The following COL24A1 variants were observed in gnomAD, a reference collection of about 807,000 sequenced individuals.
COL24A1 encodes the protein collagen alpha-1(XXIV) chain.
Under a neutral mutation model 253.9 loss-of-function variants are expected in COL24A1, and 224 were observed. The ratio of observed to expected loss-of-function variants is 0.88; its 90% CI spans 0.79 to 0.99. The LOEUF is 0.99. Among genes scored for constraint, COL24A1 ranks in the 50% least tolerant of loss-of-function variants. COL24A1 has a pLI of 0.00. For missense variants in COL24A1, 2,131 were observed against 2,068.5 expected (o/e 1.03, Z -0.59); for synonymous variants, 685 against 673.7 (o/e 1.02, Z -0.26).
chr1:85,903,921 G>A (rs904598725), intron 28 of COL24A1, among the ~76,000 whole-genome samples: 2 of 152,062 alleles, frequency 1.3e-5, no homozygotes, highest in Non-Finnish European at 2.9e-5. Flanking sequence ...TTCTATTCTT[G>A]TTATAAACTA....
chr1:85,875,202 G>A, intron 34 of COL24A1, 75 bp downstream of exon 34: 1 of 1,266,992 alleles, frequency 7.9e-7, no homozygotes. Context: ...CAAATATAGG[G>A]GATTCAATGG....
chr1:85,926,475 A>G (rs1460417304), intron 24 of COL24A1, among the ~76,000 whole-genome samples: 1 of 152,242 alleles, frequency 6.6e-6, no homozygotes, highest in African/African-American at 2.4e-5. Context: ...ACACCATGGA[A>G]TACTATGCAG....
At chr1:86,098,042 T>C (rs1009196358) in intron 5 of COL24A1, among the ~76,000 whole-genome samples, 1 of 152,110 alleles carries the variant, frequency 6.6e-6, no homozygotes, top group Admixed American at 6.6e-5. Context: ...CAACATTATG[T>C]GAGTATACAG....
chr1:85,990,495 T>C (rs951612703), intron 19 of COL24A1, among the ~76,000 whole-genome samples: 17 of 152,310 alleles, frequency 1.1e-4, no homozygotes, highest in Middle Eastern at 3.4e-3. Flanking sequence ...GCCGCTGATC[T>C]GACAGGAGGT....
chr1:85,868,421 A>G, intron 37 of COL24A1, 98 bp downstream of exon 37: 1 of 742,990 alleles, frequency 1.3e-6, no homozygotes, highest in Non-Finnish European at 2.3e-6. Context: ...TATCCACTGG[A>G]TATATAAGGA....
chr1:85,762,042 T>C (rs911395126), intron 53 of COL24A1, among the ~76,000 whole-genome samples: 2 of 152,206 alleles, frequency 1.3e-5, no homozygotes. Context: ...GAATGAATGA[T>C]GTTAAAATTA....
intron 58 of COL24A1, chr1:85,736,311 A>T (rs1664047103): frequency 2.2e-6 from 1 of 456,106 alleles, no homozygotes; most frequent in Non-Finnish European, 4.4e-6. Context: ...AAGAAATTAG[A>T]GAAGTGATTT....
chr1:86,038,686 C>T (rs1477743402), intron 12 of COL24A1, among the ~76,000 whole-genome samples: 1 of 152,100 alleles, frequency 6.6e-6, no homozygotes, highest in South Asian at 2.1e-4. Flanking sequence ...ACAGCTATCA[C>T]CTTGCTGTAG....
At chr1:85,837,022 G>C (rs1356710570) in intron 43 of COL24A1, among the ~76,000 whole-genome samples, 2 of 152,182 alleles carry the variant, frequency 1.3e-5, no homozygotes, top group African/African-American at 4.8e-5. Context: ...ATGAGATATT[G>C]CAGGAATCTG....
intron 14 of COL24A1, 116 bp downstream of exon 14, chr1:86,031,760 GAT>G: frequency 1.4e-6 from 1 of 702,216 alleles, no homozygotes; most frequent in Non-Finnish European, 2.3e-6. Flanking sequence ...AATCAAGGTT[GAT>G]AACCAACAAT....
intron 16 of COL24A1, 65 bp from the exon 17 acceptor site, chr1:86,022,656 C>G (rs1243453368): frequency 4.0e-6 from 6 of 1,488,202 alleles, no homozygotes; most frequent in South Asian, 1.2e-5. Flanking sequence ...TATAAGAAAG[C>G]AAATATTCAT....
intron 10 of COL24A1, among the ~76,000 whole-genome samples, chr1:86,054,079 T>C (rs1258465232): frequency 6.6e-6 from 1 of 152,076 alleles, no homozygotes; most frequent in Non-Finnish European, 1.5e-5. Context: ...CTGGAAAACT[T>C]GCTAACCATA....
intron 6 of COL24A1, among the ~76,000 whole-genome samples, chr1:86,091,900 A>C (rs1381696277): frequency 6.6e-6 from 1 of 152,094 alleles, no homozygotes; most frequent in Non-Finnish European, 1.5e-5. Flanking sequence ...ACTATTCTAA[A>C]AATATGTAAA....
Position 85,730,476 on chromosome 1 carries a change from G to A in COL24A1, c.*70C>T. 6.6e-7 allele frequency: 1 copy of A among 1,508,652 alleles called. No individual in the cohort carries two copies. The highest frequency in any genetic ancestry group is 9.1e-7 in the Non-Finnish European group (1 of 1,094,186). 93.5% of individuals were successfully genotyped at this position (1,508,652 alleles called of 1,614,324 possible). A position where few individuals can be genotyped will look rare whatever the true frequency, so the allele number is the denominator to read the frequency against. The stretch of plus-strand genomic sequence containing the variant: ...CATGCATTTCATAATGACTGTATCT[G>A]TCTGTCTTATTTCTCCCTCTGCAGC... On this transcript the variant is annotated 3_prime_UTR_variant, in exon 60 of 60. Transcript: ENST00000370571.
At chr1:85,952,089 A>T (rs1689991532) in intron 24 of COL24A1, among the ~76,000 whole-genome samples, 1 of 152,218 alleles carries the variant, frequency 6.6e-6, no homozygotes. Flanking sequence ...GTCCAAATTC[A>T]AAATATCTCA....
At position 86,005,449 on chromosome 1, in the gene COL24A1, C is replaced by T. The variant is rs1262176728; in HGVS notation, c.2310+11702G>A. Among the ~76,000 whole-genome samples the T allele has an allele frequency of 3.3e-5, 5 of 151,520 alleles. No homozygotes were observed. The East Asian group carries it at 9.7e-4, about 29-fold the overall frequency. On this transcript the variant is annotated intron_variant, in intron 19 of 59. Transcript: ENST00000370571. ...AATCAAAACTGAAAAAGCTCTCCCACTTGAAAATTTAAAAATTGCCTATTT... is the reference window on the plus strand; with the variant it reads ...AATCAAAACTGAAAAAGCTCTCCCATTTGAAAATTTAAAAATTGCCTATTT...
At chr1:85,732,234 C>CT (rs747341554) in intron 59 of COL24A1, among the ~76,000 whole-genome samples, 2,047 of 145,948 alleles carry the variant, frequency 0.014, 36 homozygotes, top group African/African-American at 0.046. Flanking sequence ...CTTTTCTTTT[C>CT]TTTTTTTTTT....
Position 86,156,331 on chromosome 1 carries a change from G to C in COL24A1, c.56+10C>G. 1 of 1,612,294 alleles carries C rather than the reference G, an allele frequency of 6.2e-7. No homozygotes were observed. Among genetic ancestry groups the C allele is most frequent in the Non-Finnish European group, 8.5e-7 (1 of 1,179,184 alleles). ...TAACCCCTACCCTACCCGGCGGGTG[G>C]GCTACTTACGTTTTTGCCGTGGGGG... On this transcript the variant is annotated intron_variant, in intron 1 of 59. Transcript: ENST00000370571.
At chr1:85,745,261 A>T (rs575504201) in intron 56 of COL24A1, among the ~76,000 whole-genome samples, 180 bp downstream of exon 56, 14 of 152,170 alleles carry the variant, frequency 9.2e-5, no homozygotes, top group African/African-American at 3.1e-4. Flanking sequence ...CATCCTACGC[A>T]TATATTTCTG....
Sources: allele counts gnomAD v4.1 joint callset (sites outside exome capture counted in the v4.1 genomes callset), GRCh38; gene constraint gnomAD v4.1.1; transcripts MANE v1.5; gene names NCBI Gene and HGNC (gene_info 2026-07-23, HGNC 2026-07-21).